Variants in USP32 observed in about 807,000 individuals in gnomAD.
USP32 encodes the protein ubiquitin carboxyl-terminal hydrolase 32.
Under a neutral mutation model 204.8 loss-of-function variants are expected in USP32, and 59 were observed. The ratio of observed to expected loss-of-function variants is 0.29; its 90% CI spans 0.23 to 0.36. The LOEUF is 0.36. USP32 is among the 10% of genes least tolerant of loss of function. The probability of loss-of-function intolerance (pLI) is 1.00; values close to 1 mark genes in which losing one functional copy is unlikely to be tolerated. For synonymous variants in USP32, 517 were observed against 678.4 expected, an observed-to-expected ratio of 0.76 and a Z score of 3.70; for missense variants, 1,160 against 1,946.4, an observed-to-expected ratio of 0.60 and a Z score of 7.60.
intron 20 of USP32, 111 bp downstream of exon 20, chr17:60,211,265 G>A (rs56166524): frequency 4.0e-6 from 6 of 1,515,772 alleles, no homozygotes. Flanking sequence ...ATTAAATAGG[G>A]CAAATAAGAT....
At chr17:60,334,611 G>T (rs571738421) in intron 2 of USP32, among the ~76,000 whole-genome samples, 1 of 143,980 alleles carries the variant, frequency 6.9e-6, no homozygotes, top group African/African-American at 2.9e-5. Flanking sequence ...AGAATGGCCT[G>T]AACCCGGGAG....
intron 12 of USP32, among the ~76,000 whole-genome samples, chr17:60,227,071 TTC>T (rs1555593382): frequency 6.6e-6 from 1 of 151,330 alleles, no homozygotes; most frequent in African/African-American, 2.4e-5. Flanking sequence ...TCATATTTTT[TTC>T]TTTCACCAAA....
In USP32 at chr17:60,294,776, T is replaced by A. The variant is rs772671220; in HGVS notation, c.318A>T (p.Glu106Asp). 4 of 1,610,544 alleles carry A rather than the reference T, an allele frequency of 2.5e-6. No homozygotes were observed. Among genetic ancestry groups the A allele is most frequent in the South Asian group, 2.2e-5 (2 of 90,408 alleles). ...CTTCCCGTATAACATAGTTCCCAGA[T>A]TCACTTGAAAAAAGACTAAAAATGT... is the stretch of plus-strand genomic sequence containing the variant. Reference protein sequence around the residue: ...AKYIFSLFSSESGNYVIREEM... With the variant: ...AKYIFSLFSSDSGNYVIREEM... The change falls in exon 4 of 34, where the codon GAA (glutamate) becomes GAT (aspartate). Residue 106 changes from glutamate (E) to aspartate (D), a missense_variant. By Grantham distance (45) the Glu-to-Asp change is conservative. This residue lies in a region of USP32 where 536 missense variants were observed against 680.9 expected (regional missense o/e 0.79). Coordinates refer to ENST00000300896, the MANE Select transcript of USP32 (RefSeq NM_032582.4).
chr17:60,181,306 A>T lies in USP32; in HGVS notation c.4548+18T>A. On this transcript the variant is annotated intron_variant, in intron 32 of 33. Coordinates refer to ENST00000300896, the MANE Select transcript of USP32 (RefSeq NM_032582.4). ...AAACACAGACCACTCTCTGAAAACCATATAATAAACCACTTACCGAAATTG... is the reference window on the plus strand; with the variant it reads ...AAACACAGACCACTCTCTGAAAACCTTATAATAAACCACTTACCGAAATTG... The T allele has an allele frequency of 6.3e-7, 1 of 1,598,374 alleles. No homozygotes were observed. The highest frequency in any genetic ancestry group is 8.5e-7 in the Non-Finnish European group (1 of 1,171,616).
At chr17:60,244,029 GTTTTTTTTTTT>G (rs34842511) in intron 11 of USP32, among the ~76,000 whole-genome samples, 1 of 71,692 alleles carries the variant, frequency 1.4e-5, no homozygotes, top group East Asian at 4.5e-4. Context: ...GCTGGATTGT[GTTTTTTTTTTT>G]TTTTTTTTTT....
chr17:60,393,233 T>G (rs1448508186), upstream of USP32, among the ~76,000 whole-genome samples: 11 of 152,208 alleles, frequency 7.2e-5, no homozygotes, highest in Non-Finnish European at 1.3e-4. Flanking sequence ...GTGACTGGCT[T>G]ATTTCACTTG....
chr17:60,244,600 T>C (rs1244743166), intron 11 of USP32, among the ~76,000 whole-genome samples: 1 of 152,210 alleles, frequency 6.6e-6, no homozygotes, highest in Non-Finnish European at 1.5e-5. Context: ...GGGTTTACAA[T>C]ATGGATCTTA....
chr17:60,413,640 C>T (rs910094300), intron 1 of USP32, among the ~76,000 whole-genome samples: 4 of 151,870 alleles, frequency 2.6e-5, no homozygotes, highest in African/African-American at 9.7e-5. Context: ...CCAAGGTGAG[C>T]AGATCACGAG....
rs541313073 is a variant in USP32, at chr17:60,276,404, A to G, written c.572-4923T>C. 2.6e-5 allele frequency among the ~76,000 whole-genome samples: 4 copies of G among 152,270 alleles called. No homozygotes were observed. The South Asian group carries it at 8.3e-4, about 32-fold the overall frequency. ...ATATAAATTGAGATTCCTAAATAAG[A>G]TGTCTGTCTATTCCATTTATGATGC... On this transcript the variant is annotated intron_variant, in intron 5 of 33. Coordinates refer to ENST00000300896, the MANE Select transcript of USP32 (RefSeq NM_032582.4).
At chr17:60,367,070 G>A (rs920769424) in intron 1 of USP32, among the ~76,000 whole-genome samples, 2 of 151,932 alleles carry the variant, frequency 1.3e-5, no homozygotes, top group South Asian at 2.1e-4. Context: ...CTTGTGATCC[G>A]CCCCCCTTGG....
intron 2 of USP32, among the ~76,000 whole-genome samples, chr17:60,327,259 T>G (rs2088264548): frequency 6.6e-6 from 1 of 152,200 alleles, no homozygotes; most frequent in Admixed American, 6.5e-5. Flanking sequence ...GCGAGCCTTC[T>G]GGAGTGGCCG....
intron 2 of USP32, among the ~76,000 whole-genome samples, chr17:60,327,220 C>T (rs1235957859): frequency 2.0e-5 from 3 of 152,168 alleles, no homozygotes; most frequent in Non-Finnish European, 4.4e-5. Context: ...ATTATATACA[C>T]GTATCTAAAC....
chr17:60,326,461 C>A (rs557403040), intron 2 of USP32, among the ~76,000 whole-genome samples: 1 of 152,136 alleles, frequency 6.6e-6, no homozygotes, highest in Non-Finnish European at 1.5e-5. Context: ...CAGGCACCGA[C>A]AACCATGCTC....
chr17:60,273,495 A>AT, intron 5 of USP32, among the ~76,000 whole-genome samples: 1 of 152,220 alleles, frequency 6.6e-6, no homozygotes, highest in East Asian at 1.9e-4. Flanking sequence ...CCTGGAAAAT[A>AT]TGGTGCTGAT....
chr17:60,385,583 T>C (rs2089717313), intron 1 of USP32, among the ~76,000 whole-genome samples: 1 of 152,004 alleles, frequency 6.6e-6, no homozygotes, highest in Non-Finnish European at 1.5e-5. Flanking sequence ...GGCTCACGCC[T>C]ATAATCTCAG....
chr17:60,380,006 T>C (rs1192590478), intron 1 of USP32, among the ~76,000 whole-genome samples: 1 of 152,178 alleles, frequency 6.6e-6, no homozygotes, highest in Non-Finnish European at 1.5e-5. Flanking sequence ...TTTATGTACA[T>C]ATATATGTAA....
intron 1 of USP32, among the ~76,000 whole-genome samples, chr17:60,415,055 T>C (rs555563084): frequency 1.1e-4 from 17 of 152,140 alleles, no homozygotes. Context: ...TAGTCCTCTA[T>C]AAAGAAAATA....
chr17:60,386,614 A>G (rs2089736397), intron 1 of USP32, among the ~76,000 whole-genome samples: 1 of 152,116 alleles, frequency 6.6e-6, no homozygotes, highest in South Asian at 2.1e-4. Flanking sequence ...TAACTTCCTT[A>G]CACATCTTTC....
intron 2 of USP32, among the ~76,000 whole-genome samples, chr17:60,340,068 C>T (rs2088621784): frequency 6.6e-6 from 1 of 152,096 alleles, no homozygotes; most frequent in Non-Finnish European, 1.5e-5. Flanking sequence ...TTTACTCAGA[C>T]TTAAAGGTCC....
Sources: gnomAD v4.1 joint callset for allele counts (sites outside exome capture counted in the v4.1 genomes callset) on GRCh38, gnomAD v4.1.1 for gene constraint, gnomAD v4.1.1 regional missense constraint, MANE v1.5 for transcripts, NCBI Gene and HGNC (gene_info 2026-07-23, HGNC 2026-07-21) for gene names.